Variants in KCNA6 observed in about 807,000 individuals in gnomAD.
KCNA6 encodes the protein human brain potassium channel-2.
KCNA6 carries 17 observed loss-of-function variants against 29.5 expected under a neutral mutation model. The ratio of observed to expected loss-of-function variants is 0.58; its 90% CI spans 0.39 to 0.86. KCNA6 has a LOEUF of 0.86. Ranked by LOEUF, KCNA6 falls within the 40% of genes least tolerant of loss-of-function variation. The pLI, the probability that KCNA6 is intolerant of heterozygous loss-of-function variation, is 0.00. For synonymous variants in KCNA6, 296 were observed against 304.7 expected, an observed-to-expected ratio of 0.97 and a Z score of 0.30; for missense variants, 450 against 703.4, an observed-to-expected ratio of 0.64 and a Z score of 4.07.
the KCNA6 span, chr12:4,850,941 C>T: frequency 2.6e-6 from 1 of 387,752 alleles, no homozygotes; most frequent in Non-Finnish European, 5.2e-6. This position sits in a 1 kb window ranked among gnomAD's most constrained non-coding sequence, Gnocchi z 5.4. Flanking sequence ...AAAGATGGGG[C>T]CCAGAATGTT....
downstream of KCNA6, among the ~76,000 whole-genome samples, chr12:4,815,729 C>A (rs1946675319): frequency 6.6e-6 from 1 of 152,122 alleles, no homozygotes; most frequent in Admixed American, 6.5e-5. Context: ...GAAGGCAGAA[C>A]AAAAGGAAAG....
At chr12:4,816,607 C>T (rs1307546344), downstream of KCNA6, among the ~76,000 whole-genome samples, 2 of 151,962 alleles carry the variant, frequency 1.3e-5, no homozygotes, top group Non-Finnish European at 2.9e-5. Flanking sequence ...GCATAGGGCC[C>T]AAGGTTTTAT....
the KCNA6 span, among the ~76,000 whole-genome samples, chr12:4,828,600 G>A: frequency 6.6e-6 from 1 of 152,206 alleles, no homozygotes. Context: ...GATAGCAGCG[G>A]ACACTCACAT....
the KCNA6 span, among the ~76,000 whole-genome samples, chr12:4,835,450 A>T: frequency 1.4e-3 from 218 of 152,036 alleles, 1 homozygote; most frequent in African/African-American, 4.6e-3. Context: ...GATTTTTTTT[A>T]AATTATTTTT....
At chr12:4,824,928 A>G in the KCNA6 span, among the ~76,000 whole-genome samples, 4 of 152,258 alleles carry the variant, frequency 2.6e-5, no homozygotes, top group African/African-American at 9.6e-5. Context: ...GACAGATGAC[A>G]TGAAATAATT....
the KCNA6 span, among the ~76,000 whole-genome samples, chr12:4,847,838 T>G: frequency 2.6e-5 from 4 of 152,222 alleles, no homozygotes; most frequent in Non-Finnish European, 5.9e-5. Flanking sequence ...GTGAGCTTAC[T>G]GCAGAGTGAT....
rs1202819313 is a variant in KCNA6 at position 4,810,256 on chromosome 12, G to A, written c.215G>A (p.Arg72Gln). The A allele has an allele frequency of 1.8e-5, 29 of 1,613,980 alleles. No individual in the cohort carries two copies. The highest frequency in any genetic ancestry group is 2.4e-5 in the Non-Finnish European group (28 of 1,180,034). ...GACACGCTGCTCGGAGACCCTGGCC[G>A]GCGAGTCCGCTTCTTCGACCCCCTG... Residue 72 changes from arginine to glutamine, a missense_variant, in exon 1 of 1, where the codon CGG (arginine) becomes CAG (glutamine). Arg to Gln is a conservative substitution (Grantham distance 43). Coordinates refer to ENST00000280684, the Ensembl canonical transcript of KCNA6. The surrounding 1 kb of genome is among the most constrained non-coding windows in gnomAD (Gnocchi z 7.5).
chr12:4,809,523 T>G (rs1005870080), exon 1 of KCNA6: 3 of 151,322 alleles, frequency 2.0e-5, no homozygotes, highest in Admixed American at 2.0e-4. Flanking sequence ...AGCCCCGCGG[T>G]GGACGCAGGG....
the KCNA6 span, among the ~76,000 whole-genome samples, chr12:4,821,036 G>T: frequency 6.6e-6 from 1 of 152,168 alleles, no homozygotes; most frequent in Non-Finnish European, 1.5e-5. Context: ...ACCCAGGAAC[G>T]CTGACTTCTG....
the KCNA6 span, among the ~76,000 whole-genome samples, chr12:4,823,174 A>G: frequency 6.7e-6 from 1 of 148,848 alleles, no homozygotes; most frequent in African/African-American, 2.6e-5. Flanking sequence ...TTGTGTATGT[A>G]TAATATAATT....
chr12:4,823,378 T>C, the KCNA6 span, among the ~76,000 whole-genome samples: 5 of 151,810 alleles, frequency 3.3e-5, no homozygotes, highest in Admixed American at 3.3e-4. Flanking sequence ...ATGATGGAAA[T>C]GATGAGGATT....
At position 4,811,571 on chromosome 12, in the gene KCNA6, C is replaced by T; in HGVS notation, c.1530C>T (p.Pro510=). 1 of 1,614,244 alleles carries T rather than the reference C, an allele frequency of 6.2e-7. No individual in the cohort carries two copies. The highest frequency in any genetic ancestry group is 8.5e-7 in the Non-Finnish European group (1 of 1,180,036). ...CCGAGGCTAACCGGGAACGGAGACC[C>T]AGCTACCTTCCTACACCACATCGGG... The change falls in exon 1 of 1, where the codon CCC becomes CCT. Residue 510 remains proline, a synonymous_variant. Transcript: ENST00000280684. This position sits in a 1 kb window ranked among gnomAD's most constrained non-coding sequence, Gnocchi z 7.1.
At chr12:4,819,520 G>A in the KCNA6 span, among the ~76,000 whole-genome samples, 1 of 152,186 alleles carries the variant, frequency 6.6e-6, no homozygotes, top group African/African-American at 2.4e-5. Context: ...TCTTTGAGGT[G>A]GAGGAGACAG....
At chr12:4,835,220 T>C in the KCNA6 span, among the ~76,000 whole-genome samples, 17 of 129,734 alleles carry the variant, frequency 1.3e-4, no homozygotes, top group South Asian at 3.4e-3. Flanking sequence ...CTGCAAGCTC[T>C]GCCTCCCGGG....
At chr12:4,826,292 C>T in the KCNA6 span, among the ~76,000 whole-genome samples, 1 of 152,180 alleles carries the variant, frequency 6.6e-6, no homozygotes, top group Non-Finnish European at 1.5e-5. Flanking sequence ...CTCCTCTGCT[C>T]ATCTAGCAAG....
chr12:4,845,621 G>T, the KCNA6 span, among the ~76,000 whole-genome samples: 1 of 152,156 alleles, frequency 6.6e-6, no homozygotes, highest in African/African-American at 2.4e-5. Flanking sequence ...TGTACTAAAA[G>T]ATTTAAATGT....
the KCNA6 span, among the ~76,000 whole-genome samples, chr12:4,826,051 A>G: frequency 6.6e-6 from 1 of 152,218 alleles, no homozygotes; most frequent in Non-Finnish European, 1.5e-5. Context: ...AGTGAGTTGT[A>G]TGTAACCAGG....
At chr12:4,838,184 T>C in the KCNA6 span, among the ~76,000 whole-genome samples, 1 of 152,182 alleles carries the variant, frequency 6.6e-6, no homozygotes, top group South Asian at 2.1e-4. Flanking sequence ...CTCAGACGTT[T>C]GGAGGGGATG....
the KCNA6 span, among the ~76,000 whole-genome samples, chr12:4,832,481 G>A: frequency 6.6e-6 from 1 of 152,180 alleles, no homozygotes; most frequent in East Asian, 1.9e-4. Context: ...GAGACAATAC[G>A]CTTTTTGATA....
Sources: gnomAD v4.1 joint callset for allele counts (sites outside exome capture counted in the v4.1 genomes callset) on GRCh38, gnomAD v4.1.1 for gene constraint, Gnocchi (gnomAD v3.1) non-coding constraint, MANE v1.5 for transcripts, NCBI Gene and HGNC (gene_info 2026-07-23, HGNC 2026-07-21) for gene names.